The following SH3KBP1 variants were observed in gnomAD, a reference collection of about 807,000 sequenced individuals.
The protein encoded by SH3KBP1 is SH3 domain containing kinase binding protein 1, also known as SH3 domain-containing kinase-binding protein 1.
SH3KBP1 carries 8 observed loss-of-function variants against 50.1 expected under a neutral mutation model. The observed-to-expected ratio is 0.16, with a 90% CI of 0.09 to 0.29. The LOEUF is 0.29. Among genes scored for constraint, SH3KBP1 ranks in the 10% least tolerant of loss-of-function variants. The pLI, the probability that SH3KBP1 is intolerant of heterozygous loss-of-function variation, is 1.00. For synonymous variants in SH3KBP1, 227 were observed against 218.6 expected, an observed-to-expected ratio of 1.04 and a Z score of -0.34; for missense variants, 377 against 535.2, an observed-to-expected ratio of 0.70 and a Z score of 2.92.
chrX:19,626,287 C>T (rs1385480330), intron 8 of SH3KBP1, among the ~76,000 whole-genome samples: 3 of 111,298 alleles, frequency 2.7e-5, no homozygotes, highest in Non-Finnish European at 3.8e-5. Flanking sequence ...CTTGGGGTCC[C>T]TACAAAGAAG....
At chrX:19,743,704 A>G (rs1328188888) in intron 3 of SH3KBP1, among the ~76,000 whole-genome samples, 1 of 112,350 alleles carries the variant, frequency 8.9e-6, no homozygotes, top group Non-Finnish European at 1.9e-5. Flanking sequence ...CAGTTGCTGC[A>G]AAGTGAGGCA....
At chrX:19,644,868 G>A (rs2061954959) in intron 7 of SH3KBP1, among the ~76,000 whole-genome samples, 2 of 111,394 alleles carry the variant, frequency 1.8e-5, no homozygotes, top group Admixed American at 1.9e-4. Flanking sequence ...CTAAAACACA[G>A]TTAACCCCTC....
intron 2 of SH3KBP1, chrX:19,747,712 C>T (rs1021916502): frequency 1.4e-4 from 46 of 340,208 alleles, no homozygotes; most frequent in Non-Finnish European, 2.5e-4. Context: ...GCCTCACCCT[C>T]TCTTCCTCCC....
At chrX:19,868,804 T>C (rs1249488371) in intron 1 of SH3KBP1, among the ~76,000 whole-genome samples, 2 of 108,170 alleles carry the variant, frequency 1.8e-5, no homozygotes, top group Admixed American at 9.8e-5. Flanking sequence ...AGTCAGGGAC[T>C]GTCTGTAGAA....
intron 11 of SH3KBP1, among the ~76,000 whole-genome samples, chrX:19,590,775 C>A (rs1269484382): frequency 1.0e-5 from 1 of 98,829 alleles, no homozygotes; most frequent in Non-Finnish European, 2.0e-5. Flanking sequence ...CCCAAAGTAG[C>A]TGGGACTATG....
intron 3 of SH3KBP1, among the ~76,000 whole-genome samples, chrX:19,728,222 T>C (rs765334858): frequency 1.1e-4 from 12 of 111,893 alleles, no homozygotes; most frequent in South Asian, 7.5e-4. Flanking sequence ...TACTTGCCAG[T>C]TGAGTATCTG....
At chrX:19,849,062 A>G (rs1387123578) in intron 1 of SH3KBP1, among the ~76,000 whole-genome samples, 1 of 110,757 alleles carries the variant, frequency 9.0e-6, no homozygotes, top group Non-Finnish European at 1.9e-5. Flanking sequence ...CTCTGGCATC[A>G]GTGTCCCAAA....
At chrX:19,558,101 T>C (rs1232940267) in intron 13 of SH3KBP1, among the ~76,000 whole-genome samples, 1 of 112,404 alleles carries the variant, frequency 8.9e-6, no homozygotes, top group African/African-American at 3.2e-5. Flanking sequence ...CAAAGTGATC[T>C]GATAAATAAT....
chrX:19,730,096 C>T (rs1464678725), intron 3 of SH3KBP1, among the ~76,000 whole-genome samples: 2 of 110,740 alleles, frequency 1.8e-5, no homozygotes, highest in Non-Finnish European at 3.8e-5. Flanking sequence ...CTAATTTCTT[C>T]AAAAAGAAAT....
rs748097440 is a variant in SH3KBP1 at position 19,851,707 on chromosome X, T to C, written c.5-15425A>G. 4.5e-5 allele frequency among the ~76,000 whole-genome samples: 5 copies of C among 111,689 alleles called. No individual in the cohort carries two copies. In the East Asian group the frequency reaches 1.4e-3, roughly 31 times the overall value. The stretch of plus-strand genomic sequence containing the variant: ...ACCTGCCACCATGCCCAGATAATTA[T>C]TTTATTTTTTGTAGAGAAGGGGTCT... On this transcript the variant is annotated intron_variant, in intron 1 of 17. Coordinates refer to ENST00000397821, the MANE Select transcript of SH3KBP1 (RefSeq NM_031892.3).
intron 1 of SH3KBP1, among the ~76,000 whole-genome samples, chrX:19,868,992 G>A (rs1452242083): frequency 9.0e-6 from 1 of 110,678 alleles, no homozygotes; most frequent in Non-Finnish European, 1.9e-5. Context: ...TGATCCCAGT[G>A]TAATCACACG....
intron 7 of SH3KBP1, among the ~76,000 whole-genome samples, chrX:19,637,184 C>T (rs2061726709): frequency 8.9e-6 from 1 of 112,288 alleles, no homozygotes; most frequent in African/African-American, 3.2e-5. Flanking sequence ...CATTAAAATT[C>T]TGCAGTAAAT....
At chrX:19,790,636 A>C (rs377264435) in intron 2 of SH3KBP1, among the ~76,000 whole-genome samples, 22 of 111,588 alleles carry the variant, frequency 2.0e-4, no homozygotes, top group East Asian at 2.0e-3. Flanking sequence ...TTTTTTAAGG[A>C]CAGTGTGAAA....
intron 2 of SH3KBP1, among the ~76,000 whole-genome samples, chrX:19,815,807 T>A (rs143810290): frequency 8.9e-6 from 1 of 112,184 alleles, no homozygotes; most frequent in Admixed American, 9.4e-5. Flanking sequence ...CCCTGAGATC[T>A]ATCTAAGTTG....
At chrX:19,764,014 CAA>C (rs761696272) in intron 2 of SH3KBP1, among the ~76,000 whole-genome samples, 112 of 37,514 alleles carry the variant, frequency 3.0e-3, no homozygotes, top group African/African-American at 9.4e-3. Context: ...GACTCTGTCT[CAA>C]AAAAAAAAAA....
intron 5 of SH3KBP1, among the ~76,000 whole-genome samples, chrX:19,691,591 G>T (rs905379802): frequency 9.2e-6 from 1 of 109,041 alleles, no homozygotes; most frequent in East Asian, 2.8e-4. Context: ...GGGCTCAGTT[G>T]CTTTAGCAAA....
chrX:19,839,929 C>A (rs2068175570), intron 1 of SH3KBP1, among the ~76,000 whole-genome samples: 1 of 112,279 alleles, frequency 8.9e-6, no homozygotes, highest in African/African-American at 3.2e-5. Context: ...CCGTTCCCAG[C>A]CCAACAAAGG....
chrX:19,625,083 G>A (rs986977179), intron 8 of SH3KBP1, among the ~76,000 whole-genome samples: 1 of 112,027 alleles, frequency 8.9e-6, no homozygotes, highest in African/African-American at 3.2e-5. Flanking sequence ...TTAGCTGATC[G>A]GCTTTCTTCC....
chrX:19,794,511 G>A (rs1316909609), intron 2 of SH3KBP1, among the ~76,000 whole-genome samples: 1 of 110,782 alleles, frequency 9.0e-6, no homozygotes, highest in Non-Finnish European at 1.9e-5. Flanking sequence ...AGACCATCCT[G>A]GCTAACATGG....
Sources: allele counts gnomAD v4.1 joint callset (sites outside exome capture counted in the v4.1 genomes callset), GRCh38; gene constraint gnomAD v4.1.1; transcripts MANE v1.5; gene names NCBI Gene and HGNC (gene_info 2026-07-23, HGNC 2026-07-21).